Variants in APBA2 observed in about 807,000 individuals in gnomAD.
The protein encoded by APBA2 is amyloid beta precursor protein binding family A member 2, also known as amyloid-beta A4 precursor protein-binding family A member 2.
In APBA2, 30 loss-of-function variants were observed where a neutral mutation model predicts 75.0. That is an observed-to-expected ratio of 0.40 (90% CI 0.30 to 0.54). The LOEUF (loss-of-function observed/expected upper bound fraction) is 0.54. APBA2 is among the 20% of genes least tolerant of loss of function. The probability of loss-of-function intolerance (pLI) is 0.49; values close to 1 mark genes in which losing one functional copy is unlikely to be tolerated. For synonymous variants in APBA2, 444 were observed against 409.6 expected (o/e 1.08, Z -1.01); for missense variants, 801 against 1,016.1 (o/e 0.79, Z 2.88).
At chr15:29,010,985 C>G (rs1434646304) in intron 3 of APBA2, among the ~76,000 whole-genome samples, 1 of 152,204 alleles carries the variant, frequency 6.6e-6, no homozygotes, top group African/African-American at 2.4e-5. Flanking sequence ...ATCTGAACAT[C>G]TATACCCATT....
intron 3 of APBA2, among the ~76,000 whole-genome samples, chr15:29,048,166 G>C (rs2041431588): frequency 1.3e-5 from 2 of 152,098 alleles, no homozygotes; most frequent in Admixed American, 1.3e-4. Flanking sequence ...GGCCAACATG[G>C]CAAAACTTCA....
At chr15:28,930,448 G>T (rs1429048412) in intron 2 of APBA2, among the ~76,000 whole-genome samples, 1 of 152,086 alleles carries the variant, frequency 6.6e-6, no homozygotes, top group Non-Finnish European at 1.5e-5. Context: ...AAGGTTCTTT[G>T]GTTACTTTCA....
At chr15:29,002,974 G>T (rs2152804029) in intron 3 of APBA2, among the ~76,000 whole-genome samples, 1 of 152,270 alleles carries the variant, frequency 6.6e-6, no homozygotes, top group South Asian at 2.1e-4. Flanking sequence ...AAACAAGCGT[G>T]TATATATAAC....
intron 14 of APBA2, among the ~76,000 whole-genome samples, chr15:29,116,064 TC>T (rs2045104073): frequency 6.6e-6 from 1 of 151,310 alleles, no homozygotes; most frequent in Non-Finnish European, 1.5e-5. Flanking sequence ...GAGCTCCCTT[TC>T]CGTTCTTGAA....
At chr15:29,028,655 C>G (rs536811166) in intron 3 of APBA2, among the ~76,000 whole-genome samples, 1 of 152,312 alleles carries the variant, frequency 6.6e-6, no homozygotes, top group Admixed American at 6.5e-5. Context: ...TTCCCCGAAA[C>G]CTCGCCAGCA....
rs146020850 is a variant in APBA2 at position 29,042,328 on chromosome 15, A to C, written c.-40-11517A>C. On this transcript the variant is annotated intron_variant, in intron 3 of 14. Transcript: ENST00000683413. The stretch of plus-strand genomic sequence containing the variant: ...TCACTGTGTTGCCAGGCTGGAGTGC[A>C]GTGGCCCGATCTCAGCTCACTGCAA... Among the ~76,000 whole-genome samples the C allele has an allele frequency of 3.3e-5, 5 of 152,110 alleles. No homozygotes were observed. In the East Asian group the frequency reaches 9.7e-4, roughly 29 times the overall value.
chr15:29,040,942 A>T (rs954540810), intron 3 of APBA2, among the ~76,000 whole-genome samples: 1 of 152,192 alleles, frequency 6.6e-6, no homozygotes, highest in South Asian at 2.1e-4. Flanking sequence ...AAGACTTTAA[A>T]GTGACTGTTA....
intron 1 of APBA2, 111 bp from the exon 2 acceptor site, chr15:28,921,529 T>C (rs1300234389): frequency 6.6e-6 from 1 of 152,214 alleles, no homozygotes; most frequent in Admixed American, 6.5e-5. Flanking sequence ...GCCTCCCATA[T>C]GAGCGTGTGG....
chr15:28,920,146 G>A (rs1192803794), intron 1 of APBA2, among the ~76,000 whole-genome samples: 1 of 152,224 alleles, frequency 6.6e-6, no homozygotes, highest in African/African-American at 2.4e-5. Context: ...ACGAATGATT[G>A]TGAGGACTGC....
intron 1 of APBA2, among the ~76,000 whole-genome samples, chr15:28,897,963 C>T (rs2032608815): frequency 6.6e-6 from 1 of 152,048 alleles, no homozygotes; most frequent in Non-Finnish European, 1.5e-5. Context: ...TGGGTGGGCC[C>T]TAAATGCCAT....
intron 4 of APBA2, among the ~76,000 whole-genome samples, chr15:29,062,382 A>C (rs2042166909): frequency 6.6e-6 from 1 of 152,078 alleles, no homozygotes; most frequent in African/African-American, 2.4e-5. Flanking sequence ...CCTGCTACTG[A>C]TTCCCAGGAT....
At chr15:28,970,445 G>A (rs1174357840) in intron 2 of APBA2, 1 of 149,920 alleles carries the variant, frequency 6.7e-6, no homozygotes, top group Admixed American at 6.7e-5. Flanking sequence ...GGGAGGCCGA[G>A]GCAGGAGGGT....
At chr15:28,908,828 A>G (rs1245935277) in intron 1 of APBA2, among the ~76,000 whole-genome samples, 1 of 152,220 alleles carries the variant, frequency 6.6e-6, no homozygotes, top group Non-Finnish European at 1.5e-5. Flanking sequence ...ACTTTTAAGT[A>G]TATGATTCTA....
At chr15:28,949,784 T>G (rs2035752705) in intron 2 of APBA2, among the ~76,000 whole-genome samples, 1 of 152,230 alleles carries the variant, frequency 6.6e-6, no homozygotes, top group Non-Finnish European at 1.5e-5. Context: ...TTGTTGTTAG[T>G]AAACTTTTAA....
intron 2 of APBA2, among the ~76,000 whole-genome samples, chr15:28,931,621 T>A (rs2034570188): frequency 1.3e-5 from 2 of 152,136 alleles, no homozygotes; most frequent in Admixed American, 6.5e-5. Context: ...CATGACTATT[T>A]CCAGAGTCTG....
intron 2 of APBA2, among the ~76,000 whole-genome samples, chr15:28,935,254 C>T (rs1476336149): frequency 6.6e-6 from 1 of 152,252 alleles, no homozygotes; most frequent in Non-Finnish European, 1.5e-5. Context: ...CCATCCGATG[C>T]ACCTCGTGGC....
In APBA2 at chr15:29,002,428, C is replaced by A. The variant is rs1330949444; in HGVS notation, c.-41+6622C>A. Among the ~76,000 whole-genome samples, 4 of 152,168 alleles carry A rather than the reference C, an allele frequency of 2.6e-5. No individual in the cohort carries two copies. The East Asian group carries it at 7.7e-4, about 29-fold the overall frequency. On this transcript the variant is annotated intron_variant, in intron 3 of 14. Coordinates refer to ENST00000683413, the MANE Select transcript of APBA2 (RefSeq NM_001353788.2). ...CTTAATCTCCTTCAATCAGTTCATACATCTGCAGAGGAAAGGGTGATGGCA... is the reference window on the plus strand; with the variant it reads ...CTTAATCTCCTTCAATCAGTTCATAAATCTGCAGAGGAAAGGGTGATGGCA...
In APBA2 at chr15:29,098,609, T is replaced by C. The variant is rs376177872; in HGVS notation, c.1338+33T>C. The C allele has an allele frequency of 1.6e-5, 25 of 1,551,476 alleles. No homozygotes were observed. In the African/African-American group the frequency reaches 2.6e-4, roughly 16 times the overall value. Reference sequence around the variant, plus strand: ...TTTAAGACAGTTGTTCAAAATCAGGTAAACTCCTAAGTTCGACTCCTTCTT... The same window carrying C: ...TTTAAGACAGTTGTTCAAAATCAGGCAAACTCCTAAGTTCGACTCCTTCTT... On this transcript the variant is annotated intron_variant, in intron 9 of 14. Transcript: ENST00000683413.
At chr15:29,099,538 G>C (rs2044015828) in intron 9 of APBA2, among the ~76,000 whole-genome samples, 1 of 152,244 alleles carries the variant, frequency 6.6e-6, no homozygotes, top group Non-Finnish European at 1.5e-5. Flanking sequence ...CAAAATTCCA[G>C]ACTCCCAGAG....
Sources: allele counts gnomAD v4.1 joint callset (sites outside exome capture counted in the v4.1 genomes callset), GRCh38; gene constraint gnomAD v4.1.1; transcripts MANE v1.5; gene names NCBI Gene and HGNC (gene_info 2026-07-23, HGNC 2026-07-21).